The following NPRL3 variants were observed in gnomAD, a reference collection of about 807,000 sequenced individuals.
NPRL3 encodes NPR3 like, GATOR1 complex subunit, also known as GATOR1 complex protein NPRL3.
NPRL3 carries 23 observed loss-of-function variants against 57.2 expected under a neutral mutation model. The observed-to-expected ratio is 0.40, with a 90% confidence interval of 0.29 to 0.57. The LOEUF (loss-of-function observed/expected upper bound fraction) is 0.57. Among genes scored for constraint, NPRL3 ranks in the 20% least tolerant of loss-of-function variants. The pLI, the probability that NPRL3 is intolerant of heterozygous loss-of-function variation, is 0.42. For missense variants in NPRL3, 691 were observed against 767.1 expected, an observed-to-expected ratio of 0.90 and a Z score of 1.17; for synonymous variants, 333 against 321.1, an observed-to-expected ratio of 1.04 and a Z score of -0.39.
chr16:138,087 T>C, intron 2 of NPRL3, 63 bp downstream of exon 2: 1 of 1,317,726 alleles, frequency 7.6e-7, no homozygotes, highest in East Asian at 2.5e-5. Context: ...GGCCCTGGAA[T>C]GAGGCGACCC....
At position 130,595 on chromosome 16, in the gene NPRL3, A is replaced by G. The variant is rs1432084309; in HGVS notation, c.119-4T>C. 7 of 1,553,314 alleles carry G rather than the reference A, an allele frequency of 4.5e-6. No individual in the cohort carries two copies. The highest frequency in any genetic ancestry group is 5.2e-6 in the Non-Finnish European group (6 of 1,148,068). On this transcript the variant is annotated splice_polypyrimidine_tract_variant and splice_region_variant and intron_variant, in intron 2 of 13. Coordinates refer to ENST00000611875, the MANE Select transcript of NPRL3 (RefSeq NM_001077350.3). ...GCGTATCTGCTACGCGGCTTACCTGAGTCGGGGCGAAAAGAGGGGAAGGGC... is the reference window on the plus strand; with the variant it reads ...GCGTATCTGCTACGCGGCTTACCTGGGTCGGGGCGAAAAGAGGGGAAGGGC...
intron 11 of NPRL3, 181 bp from the exon 12 acceptor site, chr16:90,083 C>G (rs1246093081): frequency 1.7e-6 from 1 of 586,310 alleles, no homozygotes; most frequent in African/African-American, 2.0e-5. Context: ...GGCCCGCTCA[C>G]CCTCCTGGGA....
At chr16:136,581 A>G (rs1229879947) in intron 2 of NPRL3, among the ~76,000 whole-genome samples, 2 of 151,634 alleles carry the variant, frequency 1.3e-5, no homozygotes, top group South Asian at 2.1e-4. Context: ...AGTCCCAGCT[A>G]CTCGGGAGGC....
Position 86,133 on chromosome 16 carries a change from A to G in NPRL3, c.*572T>C. 1 of 230,646 alleles carries G rather than the reference A, an allele frequency of 4.3e-6. No individual in the cohort carries two copies. Among genetic ancestry groups the G allele is most frequent in the Non-Finnish European group, 8.4e-6 (1 of 118,840 alleles). The allele number at this position is 230,646 out of a possible 1,614,324, so 14.3% of individuals were successfully genotyped here. On this transcript the variant is annotated 3_prime_UTR_variant, in exon 14 of 14. Transcript: ENST00000611875. ...AGGACCAGGTCACAGCTTGGCTATG[A>G]GCCTGTTTGCGGCTTCTGTGGACTG...
chr16:99,972 A>AG (rs1197381231), intron 8 of NPRL3, among the ~76,000 whole-genome samples: 12 of 130,768 alleles, frequency 9.2e-5, no homozygotes, highest in Admixed American at 7.8e-4. Context: ...AAAAAAAAAA[A>AG]AAAAAGAAAA....
intron 5 of NPRL3, among the ~76,000 whole-genome samples, chr16:116,668 A>C (rs1293725757): frequency 1.3e-5 from 2 of 152,036 alleles, no homozygotes; most frequent in Non-Finnish European, 2.9e-5. Context: ...CAAAAAATAC[A>C]AAAATTAGCA....
intron 3 of NPRL3, among the ~76,000 whole-genome samples, chr16:122,360 G>C (rs7195934): frequency 0.011 from 1,687 of 152,276 alleles, 36 homozygotes; most frequent in African/African-American, 0.038. Flanking sequence ...GCCTCCCAAA[G>C]TGCTGGGATG....
chr16:137,085 T>TG (rs36081552), intron 2 of NPRL3, among the ~76,000 whole-genome samples: 147,902 of 147,910 alleles, frequency 1, 73,947 homozygotes, highest in Middle Eastern at 1. Flanking sequence ...CAGGGTGTGG[T>TG]GCACATGCCC....
chr16:137,421 GCGA>G (rs1304329441), intron 2 of NPRL3, among the ~76,000 whole-genome samples: 1 of 152,208 alleles, frequency 6.6e-6, no homozygotes, highest in Non-Finnish European at 1.5e-5. Flanking sequence ...AAAACCTCAC[GCGA>G]CGTTCCCTTT....
At chr16:114,265 T>TGA (rs1899936901) in intron 5 of NPRL3, among the ~76,000 whole-genome samples, 1 of 152,116 alleles carries the variant, frequency 6.6e-6, no homozygotes, top group African/African-American at 2.4e-5. Context: ...CCTGCACTCA[T>TGA]GGGGTGTCCC....
intron 8 of NPRL3, among the ~76,000 whole-genome samples, chr16:99,959 C>CAAAAAAAAAAAAAAAAA (rs11304941): frequency 1.6e-3 from 95 of 60,588 alleles, no homozygotes; most frequent in Middle Eastern, 0.012. Flanking sequence ...CACACCCCCG[C>CAAAAAAAAAAAAAAAAA]AAAAAAAAAA....
In NPRL3 at chr16:130,553, C is replaced by T. The variant is rs1268399202; in HGVS notation, c.157G>A (p.Asp53Asn). The change falls in exon 3 of 14, where the codon GAC becomes AAC. Residue 53 changes from aspartate (D) to asparagine (N), a missense_variant. By Grantham distance (23) the Asp-to-Asn change is conservative. Coordinates refer to ENST00000611875, the MANE Select transcript of NPRL3 (RefSeq NM_001077350.3). ...TCGCCGTCCTGCTCATCAGCATGGT[C>T]GCCCGTGTTGCTGGCAGCGTATCTG... ...RSRYAASNTG[D>N]HADEQDGDSR... The T allele has an allele frequency of 1.2e-5, 19 of 1,554,814 alleles. No individual in the cohort carries two copies. The highest frequency in any genetic ancestry group is 1.7e-4 in the Middle Eastern group (1 of 5,982).
chr16:99,376 T>C (rs1899167633), intron 8 of NPRL3, among the ~76,000 whole-genome samples: 1 of 152,158 alleles, frequency 6.6e-6, no homozygotes, highest in East Asian at 1.9e-4. Flanking sequence ...CAGGGCATGG[T>C]GGCTAACACC....
In NPRL3 at chr16:137,584, C is replaced by G. The variant is rs541543681; in HGVS notation, c.118+566G>C. The stretch of plus-strand genomic sequence containing the variant: ...TTTTTTTTTGAGACGGAGTCTTGCT[C>G]TGTTGCCCAGGCTGGAATCCAGTGG... On this transcript the variant is annotated intron_variant, in intron 2 of 13. Transcript: ENST00000611875. 2.0e-3 allele frequency among the ~76,000 whole-genome samples: 295 copies of G among 150,044 alleles called. 1 individual carries two copies. Among genetic ancestry groups the G allele is most frequent in the African/African-American group, 6.9e-3 (281 of 40,792 alleles).
chr16:97,043 G>C (rs959672634), intron 9 of NPRL3, among the ~76,000 whole-genome samples: 28 of 152,230 alleles, frequency 1.8e-4, no homozygotes, highest in Non-Finnish European at 3.7e-4. Flanking sequence ...TCACGCCTGT[G>C]TTCCTCGGCA....
At chr16:137,720 GTTTTT>G (rs932385824) in intron 2 of NPRL3, among the ~76,000 whole-genome samples, 1 of 150,428 alleles carries the variant, frequency 6.6e-6, no homozygotes, top group Non-Finnish European at 1.5e-5. Context: ...CGGCTAATTT[GTTTTT>G]TTTTATTTTT....
Position 89,766 on chromosome 16 carries a change from C to T in NPRL3, c.1298G>A (p.Arg433Gln), listed in dbSNP as rs781225056. 1.4e-4 allele frequency: 221 copies of T among 1,598,766 alleles called. No homozygotes were observed. The highest frequency in any genetic ancestry group is 1.8e-4 in the Non-Finnish European group (213 of 1,174,578). ...PREDDVPFTA[R>Q]VGGRSLSTPN... The stretch of plus-strand genomic sequence containing the variant: ...CGTGCTGAGGCTGCGACCGCCGACC[C>T]GGGCAGTGAAGGGGACGTCGTCCTC... The change falls in exon 12 of 14, where the codon CGG (arginine) becomes CAG (glutamine). Residue 433 changes from arginine (R) to glutamine (Q), a missense_variant. Transcript: ENST00000611875.
intron 2 of NPRL3, among the ~76,000 whole-genome samples, chr16:132,593 G>C (rs568084064): frequency 1.4e-4 from 21 of 151,692 alleles, no homozygotes; most frequent in African/African-American, 4.8e-4. Flanking sequence ...TTTCCAGAAG[G>C]TTTTCAATTT....
chr16:95,344 T>C (rs1246371292), intron 9 of NPRL3, among the ~76,000 whole-genome samples: 1,260 of 59,224 alleles, frequency 0.021, 8 homozygotes, highest in Non-Finnish European at 0.036. Context: ...TATATATATA[T>C]ATATATACAC....
Sources: gnomAD v4.1 joint callset for allele counts (sites outside exome capture counted in the v4.1 genomes callset) on GRCh38, gnomAD v4.1.1 for gene constraint, MANE v1.5 for transcripts, NCBI Gene and HGNC (gene_info 2026-07-23, HGNC 2026-07-21) for gene names.